The following GPC5 variants were observed in gnomAD, a reference collection of about 807,000 sequenced individuals.
GPC5 encodes glypican-5.
In GPC5, 47 loss-of-function variants were observed where a neutral mutation model predicts 53.9. The ratio of observed to expected loss-of-function variants is 0.87; its 90% CI spans 0.69 to 1.11. The LOEUF is 1.11. Ranked by LOEUF, GPC5 falls within the 50% of genes most tolerant of loss-of-function variation. GPC5 has a pLI of 0.00. For synonymous variants in GPC5, 286 were observed against 263.3 expected, an observed-to-expected ratio of 1.09 and a Z score of -0.84; for missense variants, 748 against 713.1, an observed-to-expected ratio of 1.05 and a Z score of -0.56.
At chr13:91,597,239 G>T (rs1431724471) in intron 2 of GPC5, among the ~76,000 whole-genome samples, 5 of 152,242 alleles carry the variant, frequency 3.3e-5, no homozygotes, top group Admixed American at 1.3e-4. Flanking sequence ...TAGATCTAGT[G>T]TCTGTTATTC....
intron 7 of GPC5, among the ~76,000 whole-genome samples, chr13:92,169,669 C>T (rs576549879): frequency 2.0e-5 from 3 of 151,950 alleles, no homozygotes; most frequent in Non-Finnish European, 2.9e-5. Flanking sequence ...TTAAAACGTA[C>T]AATCCAGTGT....
Position 91,622,432 on chromosome 13 carries a change from A to T in GPC5, c.326-70755A>T, listed in dbSNP as rs75953869. Among the ~76,000 whole-genome samples the T allele has an allele frequency of 8.2e-3, 1,250 of 152,210 alleles. 16 individuals are homozygous for T. The highest frequency in any genetic ancestry group is 0.028 in the African/African-American group (1,178 of 41,536). On this transcript the variant is annotated intron_variant, in intron 2 of 7. Transcript: ENST00000377067. ...ACATAAAGGCGTTTTATGGCTTTTTATATGTTAGGCAATACACTGAACATG... is the reference window on the plus strand; with the variant it reads ...ACATAAAGGCGTTTTATGGCTTTTTTTATGTTAGGCAATACACTGAACATG...
At chr13:91,932,152 A>T (rs1166924892) in intron 6 of GPC5, among the ~76,000 whole-genome samples, 1 of 152,044 alleles carries the variant, frequency 6.6e-6, no homozygotes, top group African/African-American at 2.4e-5. Flanking sequence ...TTGGCTGCAA[A>T]GAATCCAATG....
At chr13:91,707,070 A>G (rs147072691) in intron 3 of GPC5, among the ~76,000 whole-genome samples, 8 of 152,244 alleles carry the variant, frequency 5.3e-5, no homozygotes, top group African/African-American at 1.9e-4. Flanking sequence ...GGAATAAGAC[A>G]TTACTGTCAA....
chr13:91,864,931 G>A (rs1268296161), intron 5 of GPC5, among the ~76,000 whole-genome samples: 1 of 147,404 alleles, frequency 6.8e-6, no homozygotes, highest in African/African-American at 2.5e-5. Context: ...TTGAGACAGA[G>A]TCTTGCTCTA....
intron 7 of GPC5, among the ~76,000 whole-genome samples, chr13:92,403,389 C>T (rs141455695): frequency 1.5e-3 from 227 of 152,344 alleles, no homozygotes; most frequent in African/African-American, 5.2e-3. Context: ...CTGTTAGGAA[C>T]TGGTCCACAT....
At position 92,197,676 on chromosome 13, in the gene GPC5, T is replaced by C. The variant is rs1182423379; in HGVS notation, c.1561+52687T>C. 6.6e-5 allele frequency among the ~76,000 whole-genome samples: 10 copies of C among 151,494 alleles called. No homozygotes were observed. The East Asian group carries it at 1.7e-3, about 26-fold the overall frequency. ...TCACATCTGGCTAATTTTTTTTTTTTTTTGTATTTTTGTATTTTTGCTAGA... is the reference window on the plus strand; with the variant it reads ...TCACATCTGGCTAATTTTTTTTTTTCTTTGTATTTTTGTATTTTTGCTAGA... On this transcript the variant is annotated intron_variant, in intron 7 of 7. Coordinates refer to ENST00000377067, the MANE Select transcript of GPC5 (RefSeq NM_004466.6).
At chr13:91,868,761 A>G (rs982596370) in intron 5 of GPC5, among the ~76,000 whole-genome samples, 1 of 152,092 alleles carries the variant, frequency 6.6e-6, no homozygotes, top group South Asian at 2.1e-4. Context: ...AATGAGGTAG[A>G]GGTTAGAGGG....
intron 2 of GPC5, among the ~76,000 whole-genome samples, chr13:91,460,921 C>T (rs569332894): frequency 1.3e-5 from 2 of 152,134 alleles, no homozygotes; most frequent in Non-Finnish European, 2.9e-5. Flanking sequence ...AACCATTTCT[C>T]AATGTAGCTG....
At chr13:92,862,626 CAGATAGAT>C (rs369002690) in intron 7 of GPC5, among the ~76,000 whole-genome samples, 4,056 of 129,742 alleles carry the variant, frequency 0.031, 158 homozygotes, top group African/African-American at 0.094. Context: ...GATAGATAGA[CAGATAGAT>C]AGATAGATAG....
intron 7 of GPC5, among the ~76,000 whole-genome samples, chr13:92,157,967 A>G (rs934989573): frequency 2.6e-5 from 4 of 152,202 alleles, no homozygotes; most frequent in Non-Finnish European, 5.9e-5. Flanking sequence ...TGAACTGTAA[A>G]AAATACATAA....
chr13:91,532,096 A>G (rs1594215518), intron 2 of GPC5, among the ~76,000 whole-genome samples: 1 of 152,218 alleles, frequency 6.6e-6, no homozygotes, highest in Non-Finnish European at 1.5e-5. Flanking sequence ...TCCTTAATGG[A>G]AAAAAAATGA....
chr13:92,173,398 T>C (rs1329955912), intron 7 of GPC5, among the ~76,000 whole-genome samples: 1 of 152,190 alleles, frequency 6.6e-6, no homozygotes, highest in Non-Finnish European at 1.5e-5. Context: ...CTGACCCCAT[T>C]AAACTTTCAG....
At chr13:92,648,942 C>T (rs544574591) in intron 7 of GPC5, among the ~76,000 whole-genome samples, 2 of 152,142 alleles carry the variant, frequency 1.3e-5, no homozygotes, top group East Asian at 3.9e-4. Context: ...ATTCATCAGG[C>T]AAGAGGATAT....
chr13:91,621,423 C>G (rs2033851852), intron 2 of GPC5, among the ~76,000 whole-genome samples: 1 of 152,030 alleles, frequency 6.6e-6, no homozygotes, highest in South Asian at 2.1e-4. Flanking sequence ...CAAGCTCATC[C>G]TCCTTTGTTT....
intron 7 of GPC5, among the ~76,000 whole-genome samples, chr13:92,391,123 A>C (rs1874981857): frequency 6.6e-6 from 1 of 152,104 alleles, no homozygotes; most frequent in Admixed American, 6.6e-5. Context: ...GGCATCACAA[A>C]TCACATTTAG....
At position 92,719,038 on chromosome 13, in the gene GPC5, C is replaced by A. The variant is rs560910896; in HGVS notation, c.1562-147244C>A. On this transcript the variant is annotated intron_variant, in intron 7 of 7. Coordinates refer to ENST00000377067, the MANE Select transcript of GPC5 (RefSeq NM_004466.6). Reference sequence around the variant, plus strand: ...TAAGACTATCAAAATATCACATGTACCCCATAAATATATGTACCTACTAGG... The same window carrying A: ...TAAGACTATCAAAATATCACATGTAACCCATAAATATATGTACCTACTAGG... 1.7e-3 allele frequency among the ~76,000 whole-genome samples: 259 copies of A among 151,652 alleles called. 4 individuals are homozygous for A. Among genetic ancestry groups the A allele is most frequent in the African/African-American group, 6.1e-3 (252 of 41,368 alleles).
At chr13:91,966,258 T>C (rs1206552418) in intron 6 of GPC5, among the ~76,000 whole-genome samples, 1 of 152,152 alleles carries the variant, frequency 6.6e-6, no homozygotes, top group Non-Finnish European at 1.5e-5. Context: ...CCCTTTAGAC[T>C]TAGTGCAGAA....
chr13:92,492,451 C>G (rs1879803991), intron 7 of GPC5, among the ~76,000 whole-genome samples: 1 of 150,678 alleles, frequency 6.6e-6, no homozygotes. Context: ...ATGAAACAAA[C>G]CTGCACATTG....
Sources: allele counts gnomAD v4.1 joint callset (sites outside exome capture counted in the v4.1 genomes callset), GRCh38; gene constraint gnomAD v4.1.1; transcripts MANE v1.5; gene names NCBI Gene and HGNC (gene_info 2026-07-23, HGNC 2026-07-21).